NKAIN3: variants seen among roughly 807,000 people sequenced by gnomAD.
NKAIN3 encodes the protein sodium/potassium-transporting ATPase subunit beta-1-interacting protein 3.
A neutral mutation model predicts 30.2 loss-of-function variants in NKAIN3; 25 were observed. The ratio of observed to expected loss-of-function variants is 0.83; its 90% CI spans 0.60 to 1.16. NKAIN3 has a LOEUF of 1.16. Ranked by LOEUF, NKAIN3 falls within the 50% of genes most tolerant of loss-of-function variation. The pLI is 0.00. For missense variants in NKAIN3, 225 were observed against 254.1 expected (o/e 0.89, Z 0.78); for synonymous variants, 91 against 89.6 (o/e 1.02, Z -0.09).
chr8:62,919,525 G>A (rs1258071798), intron 5 of NKAIN3, among the ~76,000 whole-genome samples: 1 of 151,980 alleles, frequency 6.6e-6, no homozygotes, highest in South Asian at 2.1e-4. Flanking sequence ...GATTACAGGC[G>A]TCAGCCACCA....
At position 62,742,008 on chromosome 8, in the gene NKAIN3, T is replaced by C. The variant is rs865877091; in HGVS notation, c.274-4924T>C. Among the ~76,000 whole-genome samples the C allele has an allele frequency of 3.3e-5, 5 of 152,224 alleles. No individual in the cohort carries two copies. In the South Asian group the frequency reaches 1.0e-3, roughly 32 times the overall value. ...CAAACTATTCCTTGATCATCACGTATGTAAAGCAGGAAAAATAATTTTTTC... is the reference window on the plus strand; with the variant it reads ...CAAACTATTCCTTGATCATCACGTACGTAAAGCAGGAAAAATAATTTTTTC... On this transcript the variant is annotated intron_variant, in intron 3 of 6. Coordinates refer to ENST00000623646, the MANE Select transcript of NKAIN3 (RefSeq NM_001304533.3).
At chr8:62,567,335 G>A (rs1809789127) in intron 1 of NKAIN3, among the ~76,000 whole-genome samples, 1 of 152,112 alleles carries the variant, frequency 6.6e-6, no homozygotes, top group Non-Finnish European at 1.5e-5. Flanking sequence ...CCCACTAGCA[G>A]GCAGGGTACC....
intron 3 of NKAIN3, among the ~76,000 whole-genome samples, chr8:62,728,541 G>A (rs967238554): frequency 1.1e-5 from 1 of 89,406 alleles, no homozygotes; most frequent in Non-Finnish European, 2.6e-5. Context: ...GCGCAAGCCT[G>A]TAATCCCAGC....
At chr8:62,619,112 C>G (rs190299798) in intron 3 of NKAIN3, among the ~76,000 whole-genome samples, 5 of 152,166 alleles carry the variant, frequency 3.3e-5, no homozygotes, top group Non-Finnish European at 1.5e-5. Flanking sequence ...CAGGTGATTT[C>G]GTGTAAAGAT....
intron 4 of NKAIN3, among the ~76,000 whole-genome samples, chr8:62,846,658 T>C (rs1214495509): frequency 6.6e-6 from 1 of 152,160 alleles, no homozygotes; most frequent in African/African-American, 2.4e-5. Flanking sequence ...AAGAACATGA[T>C]CTCATTCCTT....
chr8:62,678,990 C>T (rs766109662), intron 3 of NKAIN3, among the ~76,000 whole-genome samples: 2 of 152,024 alleles, frequency 1.3e-5, no homozygotes, highest in African/African-American at 2.4e-5. Flanking sequence ...AGCAACAGTG[C>T]CTTGTGGTAA....
intron 1 of NKAIN3, among the ~76,000 whole-genome samples, chr8:62,380,849 A>C (rs1344692197): frequency 6.6e-6 from 1 of 152,230 alleles, no homozygotes; most frequent in Non-Finnish European, 1.5e-5. Flanking sequence ...AGGTGAATTC[A>C]ATCAAACATT....
intron 3 of NKAIN3, among the ~76,000 whole-genome samples, chr8:62,739,296 TA>T (rs1259823075): frequency 1.3e-5 from 2 of 151,770 alleles, no homozygotes; most frequent in African/African-American, 4.8e-5. Context: ...ATACACAAAT[TA>T]AAAAAAAGAA....
chr8:62,733,030 T>A (rs1360699180), intron 3 of NKAIN3, among the ~76,000 whole-genome samples: 6 of 152,088 alleles, frequency 3.9e-5, no homozygotes, highest in Non-Finnish European at 7.4e-5. Flanking sequence ...GACACTATCA[T>A]TATATTTTAA....
chr8:62,574,800 A>G (rs997870574), intron 1 of NKAIN3, among the ~76,000 whole-genome samples: 8 of 152,130 alleles, frequency 5.3e-5, no homozygotes, highest in African/African-American at 1.9e-4. Flanking sequence ...ATGATCAGTA[A>G]TGTTGACCAC....
chr8:62,452,510 A>C (rs576925166), intron 1 of NKAIN3, among the ~76,000 whole-genome samples: 2 of 152,230 alleles, frequency 1.3e-5, no homozygotes, highest in African/African-American at 4.8e-5. Context: ...ACAAACAAAC[A>C]AACAAATAGA....
At chr8:62,785,966 G>A (rs1817503287) in intron 4 of NKAIN3, among the ~76,000 whole-genome samples, 1 of 152,086 alleles carries the variant, frequency 6.6e-6, no homozygotes, top group Admixed American at 6.6e-5. Context: ...TGGACAGCCA[G>A]GTGTTCTCCA....
At chr8:62,686,790 GC>G (rs2130431711) in intron 3 of NKAIN3, among the ~76,000 whole-genome samples, 2 of 152,148 alleles carry the variant, frequency 1.3e-5, no homozygotes, top group South Asian at 4.2e-4. Context: ...TACTTCTTGT[GC>G]CTTATATCTC....
intron 4 of NKAIN3, among the ~76,000 whole-genome samples, chr8:62,899,607 A>G (rs977246897): frequency 2.0e-5 from 3 of 152,154 alleles, no homozygotes; most frequent in Non-Finnish European, 4.4e-5. Context: ...GAGGGGTTAG[A>G]GGAGCTGGGG....
At chr8:62,728,968 C>G (rs1172086777) in intron 3 of NKAIN3, among the ~76,000 whole-genome samples, 2 of 138,488 alleles carry the variant, frequency 1.4e-5, no homozygotes, top group Middle Eastern at 3.6e-3. Context: ...CCAGCCTGAG[C>G]GACAGAGCAA....
chr8:62,718,175 C>T (rs1814969327), intron 3 of NKAIN3, among the ~76,000 whole-genome samples: 1 of 152,176 alleles, frequency 6.6e-6, no homozygotes, highest in African/African-American at 2.4e-5. Flanking sequence ...CCCACTGGGT[C>T]CCTCCCACAA....
At chr8:62,902,584 C>G (rs1488317792) in intron 4 of NKAIN3, among the ~76,000 whole-genome samples, 1 of 152,196 alleles carries the variant, frequency 6.6e-6, no homozygotes, top group East Asian at 1.9e-4. Flanking sequence ...CACATTCTGA[C>G]AAGACAAAAA....
chr8:62,411,053 C>T (rs1379744858), intron 1 of NKAIN3, among the ~76,000 whole-genome samples: 1 of 152,104 alleles, frequency 6.6e-6, no homozygotes, highest in African/African-American at 2.4e-5. Flanking sequence ...AAGCTAGCAT[C>T]AGCCTAACAC....
intron 1 of NKAIN3, among the ~76,000 whole-genome samples, chr8:62,559,788 A>G (rs749201258): frequency 3.3e-5 from 5 of 152,122 alleles, no homozygotes; most frequent in Non-Finnish European, 5.9e-5. Context: ...TGCTTCCACC[A>G]TAACATATAA....
Sources: allele counts gnomAD v4.1 joint callset (sites outside exome capture counted in the v4.1 genomes callset), GRCh38; gene constraint gnomAD v4.1.1; transcripts MANE v1.5; gene names NCBI Gene and HGNC (gene_info 2026-07-23, HGNC 2026-07-21).